Variants in PTPRN2 observed in about 807,000 individuals in gnomAD.
The protein encoded by PTPRN2 is protein tyrosine phosphatase receptor type N2.
Under a neutral mutation model 118.8 loss-of-function variants are expected in PTPRN2, and 74 were observed. The observed-to-expected ratio is 0.62, with a 90% CI of 0.52 to 0.76. The LOEUF (loss-of-function observed/expected upper bound fraction) is 0.76. Among genes scored for constraint, PTPRN2 ranks in the 30% least tolerant of loss-of-function variants. The probability of loss-of-function intolerance (pLI) is 0.00; values close to 1 mark genes in which losing one functional copy is unlikely to be tolerated. For synonymous variants in PTPRN2, 641 were observed against 608.0 expected, an observed-to-expected ratio of 1.05 and a Z score of -0.80; for missense variants, 1,481 against 1,394.4, an observed-to-expected ratio of 1.06 and a Z score of -0.99.
At chr7:157,778,655 CA>C (rs1803487873) in intron 12 of PTPRN2, among the ~76,000 whole-genome samples, 1 of 150,744 alleles carries the variant, frequency 6.6e-6, no homozygotes, top group Non-Finnish European at 1.5e-5. Context: ...TGAATACAGG[CA>C]CTGGATGCCC....
At chr7:157,912,352 T>A (rs1056031520) in intron 11 of PTPRN2, among the ~76,000 whole-genome samples, 5 of 152,248 alleles carry the variant, frequency 3.3e-5, no homozygotes, top group Non-Finnish European at 5.9e-5. Flanking sequence ...TGCCCATTTT[T>A]CTACTGGGTT....
intron 11 of PTPRN2, among the ~76,000 whole-genome samples, chr7:157,989,287 C>T (rs1413227835): frequency 2.6e-5 from 4 of 152,108 alleles, no homozygotes; most frequent in South Asian, 2.1e-4. Flanking sequence ...GGCGTGGTGG[C>T]GCATGCCTGC....
rs1585034619 is a variant in PTPRN2 at position 157,929,711 on chromosome 7, G to A, written c.1724-30974C>T. Among the ~76,000 whole-genome samples the A allele has an allele frequency of 9.1e-6, 1 of 109,496 alleles. No individual in the cohort carries two copies. The highest frequency in any genetic ancestry group is 2.5e-4 in the South Asian group (1 of 4,004). 71.8% of individuals were successfully genotyped at this position (109,496 alleles called of 152,430 possible). On this transcript the variant is annotated intron_variant, in intron 11 of 22. Transcript: ENST00000389418. This position sits in a 1 kb window ranked among gnomAD's most constrained non-coding sequence, Gnocchi z 4.4. ...AGACTTCCCTGTCCCTCGGGTGGGG[G>A]CGGCATCCTCACAGGGGTGAGGAGC...
At position 157,610,849 on chromosome 7, in the gene PTPRN2, G is replaced by C. The variant is rs1189498192; in HGVS notation, c.2345-6774C>G. 1.3e-5 allele frequency among the ~76,000 whole-genome samples: 2 copies of C among 152,200 alleles called. No individual in the cohort carries two copies. Among genetic ancestry groups the C allele is most frequent in the Non-Finnish European group, 2.9e-5 (2 of 68,044 alleles). Reference sequence around the variant, plus strand: ...AGGCAGACATTCTGCTTCCAACTATGCCTTTGGGAAATGCTCAGCTCAAGC... The same window carrying C: ...AGGCAGACATTCTGCTTCCAACTATCCCTTTGGGAAATGCTCAGCTCAAGC... On this transcript the variant is annotated intron_variant, in intron 15 of 22. Transcript: ENST00000389418. The surrounding 1 kb of genome is among the most constrained non-coding windows in gnomAD (Gnocchi z 5.1).
intron 2 of PTPRN2, among the ~76,000 whole-genome samples, chr7:158,457,552 CCGT>C (rs1818618242): frequency 1.4e-4 from 16 of 115,728 alleles, no homozygotes; most frequent in South Asian, 6.0e-4. Context: ...AGTAAAGCCA[CCGT>C]CAAAACTCCT....
intron 13 of PTPRN2, among the ~76,000 whole-genome samples, chr7:157,681,164 A>C (rs1451081264): frequency 1.3e-5 from 2 of 151,856 alleles, no homozygotes; most frequent in Admixed American, 6.6e-5. Context: ...TCAATATTTT[A>C]TATTTGAATT....
intron 12 of PTPRN2, among the ~76,000 whole-genome samples, chr7:157,891,164 C>G (rs546281011): frequency 1.3e-5 from 2 of 152,288 alleles, no homozygotes; most frequent in South Asian, 4.1e-4. Context: ...ATGGCCATGT[C>G]GAGCCATCAC....
At position 157,729,027 on chromosome 7, in the gene PTPRN2, T is replaced by A. The variant is rs1166518862; in HGVS notation, c.1789-46090A>T. On this transcript the variant is annotated intron_variant, in intron 12 of 22. Transcript: ENST00000389418. The surrounding 1 kb of genome is among the most constrained non-coding windows in gnomAD (Gnocchi z 4.3). ...CGTGATCCAGTCACACAGAGGTCGGTCGTTGTCTGGACACAGACAATGGGA... is the reference window on the plus strand; with the variant it reads ...CGTGATCCAGTCACACAGAGGTCGGACGTTGTCTGGACACAGACAATGGGA... 6.6e-6 allele frequency among the ~76,000 whole-genome samples: 1 copy of A among 152,192 alleles called. No individual in the cohort carries two copies. Among genetic ancestry groups the A allele is most frequent in the African/African-American group, 2.4e-5 (1 of 41,434 alleles).
intron 2 of PTPRN2, among the ~76,000 whole-genome samples, chr7:158,353,399 T>A (rs1391134971): frequency 6.6e-6 from 1 of 152,266 alleles, no homozygotes; most frequent in Non-Finnish European, 1.5e-5. Flanking sequence ...GTTGAAGTTA[T>A]GGCTGAAAGC....
chr7:158,497,376 C>T (rs1822030509), intron 1 of PTPRN2, among the ~76,000 whole-genome samples: 1 of 150,570 alleles, frequency 6.6e-6, no homozygotes, highest in Non-Finnish European at 1.5e-5. Flanking sequence ...AGTATGGAGC[C>T]CCCCAGTAAG....
At chr7:158,133,314 C>T (rs938996425) in intron 9 of PTPRN2, among the ~76,000 whole-genome samples, 8 of 152,186 alleles carry the variant, frequency 5.3e-5, no homozygotes, top group Non-Finnish European at 7.3e-5. Context: ...TTACCTGCCC[C>T]GAGACCCCAC....
chr7:158,126,162 A>AGCTTCCTCTCCGCC (rs1241808635), intron 9 of PTPRN2, among the ~76,000 whole-genome samples: 1 of 86,776 alleles, frequency 1.2e-5, no homozygotes, highest in South Asian at 5.3e-4. Flanking sequence ...CGGGCGGCGG[A>AGCTTCCTCTCCGCC]ACTTCCTCTC....
At position 157,794,956 on chromosome 7, in the gene PTPRN2, C is replaced by T. The variant is rs1051128276; in HGVS notation, c.1788+103717G>A. ...AGGCCAGAGTGCTTCCCTCACTTAG[C>T]GGGGATGCAATTATAAAGTATTGAA... On this transcript the variant is annotated intron_variant, in intron 12 of 22. Transcript: ENST00000389418. The surrounding 1 kb of genome is among the most constrained non-coding windows in gnomAD (Gnocchi z 5.2). Among the ~76,000 whole-genome samples, 11 of 152,224 alleles carry T rather than the reference C, an allele frequency of 7.2e-5. No individual in the cohort carries two copies. Among genetic ancestry groups the T allele is most frequent in the Admixed American group, 5.9e-4 (9 of 15,288 alleles).
intron 3 of PTPRN2, among the ~76,000 whole-genome samples, chr7:158,211,666 A>G (rs750082104): frequency 1.3e-5 from 2 of 152,226 alleles, no homozygotes; most frequent in Non-Finnish European, 2.9e-5. Flanking sequence ...CTACAATGAG[A>G]TATCATCTCA....
intron 13 of PTPRN2, among the ~76,000 whole-genome samples, chr7:157,673,647 C>T (rs1418258552): frequency 6.6e-6 from 1 of 152,044 alleles, no homozygotes; most frequent in Non-Finnish European, 1.5e-5. Context: ...CCCACAGAGG[C>T]CCCCTCTGTC....
At chr7:158,018,731 C>T (rs1031441476) in intron 11 of PTPRN2, among the ~76,000 whole-genome samples, 7 of 151,972 alleles carry the variant, frequency 4.6e-5, no homozygotes, top group Non-Finnish European at 4.4e-5. Context: ...GAGGCTGAGG[C>T]GGGAGGATCA....
intron 12 of PTPRN2, among the ~76,000 whole-genome samples, chr7:157,860,519 G>T (rs954685323): frequency 1.3e-5 from 2 of 152,246 alleles, no homozygotes; most frequent in African/African-American, 4.8e-5. Flanking sequence ...TTTCATCTTT[G>T]TTCTCCTATA....
intron 12 of PTPRN2, among the ~76,000 whole-genome samples, chr7:157,870,877 T>C (rs1811007094): frequency 6.6e-6 from 1 of 152,262 alleles, no homozygotes; most frequent in Admixed American, 6.5e-5. Flanking sequence ...CACAGTCATC[T>C]GTTTCTTAAA....
chr7:157,650,204 G>A (rs1805554222), intron 14 of PTPRN2, among the ~76,000 whole-genome samples: 3 of 152,158 alleles, frequency 2.0e-5, no homozygotes, highest in Admixed American at 2.0e-4. Context: ...GGGGCTCCGT[G>A]CCTGGTCCTG....
Sources: allele counts gnomAD v4.1 joint callset (sites outside exome capture counted in the v4.1 genomes callset), GRCh38; gene constraint gnomAD v4.1.1; non-coding constraint Gnocchi (gnomAD v3.1); transcripts MANE v1.5; gene names NCBI Gene and HGNC (gene_info 2026-07-23, HGNC 2026-07-21).